Variants in CHRNA7 observed in about 807,000 individuals in gnomAD.
CHRNA7 encodes the protein neuronal acetylcholine receptor subunit alpha-7.
In CHRNA7, 17 loss-of-function variants were observed where a neutral mutation model predicts 48.0. The observed-to-expected ratio is 0.35, with a 90% CI of 0.24 to 0.53. The LOEUF is 0.53. Among genes scored for constraint, CHRNA7 ranks in the 20% least tolerant of loss-of-function variants. The pLI is 0.92. For missense variants in CHRNA7, 155 were observed against 577.7 expected (o/e 0.27, Z 7.50); for synonymous variants, 75 against 242.3 (o/e 0.31, Z 6.41).
chr15:32,127,833 T>A (rs562572009), intron 4 of CHRNA7, among the ~76,000 whole-genome samples: 1 of 152,242 alleles, frequency 6.6e-6, no homozygotes, highest in South Asian at 2.1e-4. Context: ...TGAAGTTTTT[T>A]ATCAAATTTT....
At chr15:32,128,124 T>C (rs2051099146) in intron 4 of CHRNA7, among the ~76,000 whole-genome samples, 1 of 152,044 alleles carries the variant, frequency 6.6e-6, no homozygotes, top group African/African-American at 2.4e-5. Flanking sequence ...TTTGTGTGGG[T>C]CTACTATTGG....
At chr15:32,107,303 C>T (rs1242397638) in intron 3 of CHRNA7, among the ~76,000 whole-genome samples, 2 of 152,004 alleles carry the variant, frequency 1.3e-5, no homozygotes. Flanking sequence ...CCCAGGCTAC[C>T]CACATGTCTA....
Position 32,067,432 on chromosome 15 carries a change from A to C in CHRNA7, c.196-33871A>C, listed in dbSNP as rs555137390. On this transcript the variant is annotated intron_variant, in intron 2 of 9. Coordinates refer to ENST00000306901, the MANE Select transcript of CHRNA7 (RefSeq NM_000746.6). ...TCTATACCCAGTAAAAATATCTTTC[A>C]AAATGAAGGAGCAATTAATGCATTT... Among the ~76,000 whole-genome samples, 12 of 152,356 alleles carry C rather than the reference A, an allele frequency of 7.9e-5. No homozygotes were observed. The South Asian group carries it at 2.3e-3, about 29-fold the overall frequency.
chr15:32,137,698 A>T (rs1244777862), intron 4 of CHRNA7, among the ~76,000 whole-genome samples: 2 of 152,264 alleles, frequency 1.3e-5, no homozygotes, highest in Admixed American at 1.3e-4. Flanking sequence ...AAAACTGGAT[A>T]TCTAAATGTG....
intron 3 of CHRNA7, 62 bp from the exon 4 acceptor site, chr15:32,111,728 G>T: frequency 1.1e-6 from 1 of 940,344 alleles, no homozygotes; most frequent in Non-Finnish European, 1.7e-6. Context: ...CCTAATAATC[G>T]CTTATGAGAA....
At chr15:32,038,933 A>G (rs974454575) in intron 2 of CHRNA7, among the ~76,000 whole-genome samples, 1 of 152,126 alleles carries the variant, frequency 6.6e-6, no homozygotes. Context: ...ATTTGATTCA[A>G]TTGCTCTGAT....
At chr15:32,086,468 C>G (rs1418127679) in intron 2 of CHRNA7, among the ~76,000 whole-genome samples, 1 of 151,948 alleles carries the variant, frequency 6.6e-6, no homozygotes, top group Non-Finnish European at 1.5e-5. Context: ...GGGAGTTTCC[C>G]TGGAGGCCAC....
intron 7 of CHRNA7, chr15:32,159,234 C>A (rs1178888081): frequency 1.1e-5 from 2 of 181,956 alleles, no homozygotes; most frequent in African/African-American, 5.2e-5. Context: ...TGCATATTTT[C>A]TTTTTCCTGC....
At chr15:32,123,831 C>T (rs1401189509) in intron 4 of CHRNA7, among the ~76,000 whole-genome samples, 1 of 151,968 alleles carries the variant, frequency 6.6e-6, no homozygotes, top group African/African-American at 2.4e-5. Flanking sequence ...GCCCCTGTGC[C>T]CATGTAGGCA....
intron 2 of CHRNA7, among the ~76,000 whole-genome samples, chr15:32,076,735 A>G (rs755994408): frequency 2.5e-4 from 38 of 152,302 alleles, no homozygotes; most frequent in Non-Finnish European, 4.6e-4. Context: ...ATCCCTGACC[A>G]GAGTGGTACA....
intron 2 of CHRNA7, among the ~76,000 whole-genome samples, chr15:32,052,170 A>G (rs761393872): frequency 3.4e-5 from 5 of 148,562 alleles, no homozygotes; most frequent in Admixed American, 6.7e-5. Context: ...TCACTGCTCT[A>G]TTAGTATTCT....
At chr15:32,146,817 A>C (rs746163006) in intron 4 of CHRNA7, among the ~76,000 whole-genome samples, 1 of 152,210 alleles carries the variant, frequency 6.6e-6, no homozygotes, top group African/African-American at 2.4e-5. Context: ...CTTAACAGGG[A>C]CTTCATGAGA....
In CHRNA7 at chr15:32,079,212, G is replaced by A. The variant is rs2050179407; in HGVS notation, c.196-22091G>A. Among the ~76,000 whole-genome samples the A allele has an allele frequency of 2.0e-5, 3 of 152,084 alleles. No individual in the cohort carries two copies. In the South Asian group the frequency reaches 6.2e-4, roughly 32 times the overall value. ...CCAATATCATACTGAATGGGCAAAA[G>A]CTGGAAACATTCCCCATGAAAACCA... On this transcript the variant is annotated intron_variant, in intron 2 of 9. Transcript: ENST00000306901.
chr15:32,096,465 G>A (rs956764776), intron 2 of CHRNA7, among the ~76,000 whole-genome samples: 1 of 152,136 alleles, frequency 6.6e-6, no homozygotes, highest in Admixed American at 6.5e-5. Context: ...AAAAAATATG[G>A]TTGGTGTAAA....
intron 4 of CHRNA7, among the ~76,000 whole-genome samples, chr15:32,143,689 T>C (rs1349103065): frequency 2.0e-5 from 3 of 152,200 alleles, no homozygotes; most frequent in Non-Finnish European, 4.4e-5. Context: ...CTTTGTCTCT[T>C]TTTATCTTTG....
intron 4 of CHRNA7, among the ~76,000 whole-genome samples, chr15:32,136,784 C>A (rs1015700917): frequency 6.6e-6 from 1 of 151,918 alleles, no homozygotes; most frequent in African/African-American, 2.4e-5. Context: ...GTAATCCCGG[C>A]ACTGTGGGAG....
chr15:32,107,697 T>C lies in CHRNA7; in HGVS notation c.241-4093T>C, dbSNP rs1001155069. On this transcript the variant is annotated intron_variant, in intron 3 of 9. Coordinates refer to ENST00000306901, the MANE Select transcript of CHRNA7 (RefSeq NM_000746.6). ...GGGTGCGCGGAGCTGTTGTCGTAAC[T>C]TCTCGCCAGTGGCCACCTTCCCTGC... Among the ~76,000 whole-genome samples, 47 of 152,106 alleles carry C rather than the reference T, an allele frequency of 3.1e-4. 1 individual carries two copies.
intron 4 of CHRNA7, among the ~76,000 whole-genome samples, chr15:32,138,222 C>G (rs1304761221): frequency 6.6e-6 from 1 of 152,042 alleles, no homozygotes; most frequent in Non-Finnish European, 1.5e-5. Flanking sequence ...CAAACATTTA[C>G]TGGATATAAA....
chr15:32,081,918 G>T (rs2050222178), intron 2 of CHRNA7, among the ~76,000 whole-genome samples: 1 of 151,956 alleles, frequency 6.6e-6, no homozygotes, highest in African/African-American at 2.4e-5. Context: ...CAATCTTTTA[G>T]TTGCCTCAGT....
Sources: gnomAD v4.1 joint callset for allele counts (sites outside exome capture counted in the v4.1 genomes callset) on GRCh38, gnomAD v4.1.1 for gene constraint, MANE v1.5 for transcripts, NCBI Gene and HGNC (gene_info 2026-07-23, HGNC 2026-07-21) for gene names.